Variants in ZNF438 observed in about 807,000 individuals in gnomAD.
ZNF438 encodes zinc finger protein 438.
ZNF438 carries 25 observed loss-of-function variants against 38.0 expected under a neutral mutation model. The observed-to-expected ratio is 0.66, with a 90% CI of 0.48 to 0.92. The LOEUF is 0.92. ZNF438 is among the 40% of genes least tolerant of loss of function. The pLI, the probability that ZNF438 is intolerant of heterozygous loss-of-function variation, is 0.00. For synonymous variants in ZNF438, 372 were observed against 364.1 expected (o/e 1.02, Z -0.25); for missense variants, 1,007 against 999.6 (o/e 1.01, Z -0.10).
At chr10:30,920,634 T>C (rs899516038) in intron 2 of ZNF438, 1 of 152,158 alleles carries the variant, frequency 6.6e-6, no homozygotes, top group Non-Finnish European at 1.5e-5. Flanking sequence ...GCAATCGAAC[T>C]AAAGAACCCA....
intron 1 of ZNF438, among the ~76,000 whole-genome samples, chr10:30,983,394 G>T (rs1415678843): frequency 6.6e-6 from 1 of 152,204 alleles, no homozygotes; most frequent in Non-Finnish European, 1.5e-5. Context: ...CAAAGGGGAA[G>T]CAGGTACATC....
chr10:30,848,938 A>C (rs1227816550), exon 5 of ZNF438: 6 of 1,614,116 alleles, frequency 3.7e-6, no homozygotes, highest in Non-Finnish European at 5.1e-6. Context: ...AGCTGGGCTT[A>C]GGGGAAGAGC....
At chr10:30,854,524 A>T (rs1056707105) in intron 4 of ZNF438, among the ~76,000 whole-genome samples, 2 of 152,194 alleles carry the variant, frequency 1.3e-5, no homozygotes, top group Non-Finnish European at 2.9e-5. Context: ...GAAATTTTGT[A>T]AACAGTGGGG....
intron 1 of ZNF438, 21 bp downstream of exon 2, chr10:30,984,348 C>T (rs1159051641): frequency 2.6e-5 from 4 of 152,088 alleles, no homozygotes; most frequent in Non-Finnish European, 5.9e-5. Flanking sequence ...AATCTCTCTT[C>T]AAAAAATGCT....
intron 1 of ZNF438, among the ~76,000 whole-genome samples, chr10:30,983,198 C>T (rs1239968637): frequency 1.3e-5 from 2 of 152,210 alleles, no homozygotes; most frequent in African/African-American, 4.8e-5. Context: ...AAGCCTGTAA[C>T]CAAGTACGAG....
At chr10:30,949,124 C>A (rs1393637270) in intron 1 of ZNF438, among the ~76,000 whole-genome samples, 5 of 152,138 alleles carry the variant, frequency 3.3e-5, no homozygotes, top group South Asian at 2.1e-4. Context: ...CAATTTTCAA[C>A]CCAGAATTTC....
At chr10:30,863,165 T>TA (rs1211610900) in intron 4 of ZNF438, among the ~76,000 whole-genome samples, 1 of 152,250 alleles carries the variant, frequency 6.6e-6, no homozygotes, top group Non-Finnish European at 1.5e-5. Context: ...ATTCCCCTGT[T>TA]ATGCTGATAA....
intron 4 of ZNF438, among the ~76,000 whole-genome samples, chr10:30,873,508 T>C (rs2037830341): frequency 6.6e-6 from 1 of 152,230 alleles, no homozygotes; most frequent in Non-Finnish European, 1.5e-5. Flanking sequence ...TGTACATATA[T>C]GTTAATATCC....
intron 2 of ZNF438, chr10:30,920,365 C>G (rs2044155053): frequency 6.6e-6 from 1 of 152,192 alleles, no homozygotes; most frequent in South Asian, 2.1e-4. Flanking sequence ...ATCAGATACA[C>G]TAACGTACAT....
At chr10:30,890,793 C>G (rs1408743185) in intron 3 of ZNF438, among the ~76,000 whole-genome samples, 3 of 152,216 alleles carry the variant, frequency 2.0e-5, no homozygotes, top group African/African-American at 7.2e-5. Flanking sequence ...ATTCTTCCAG[C>G]ATTTAGACCT....
At chr10:30,898,308 T>C (rs1336221699) in intron 3 of ZNF438, among the ~76,000 whole-genome samples, 3 of 151,856 alleles carry the variant, frequency 2.0e-5, no homozygotes, top group Non-Finnish European at 4.4e-5. Context: ...GGGAGAGAGG[T>C]GGTTCTCAAT....
chr10:30,982,762 T>C (rs2052353320), intron 1 of ZNF438, among the ~76,000 whole-genome samples: 1 of 152,204 alleles, frequency 6.6e-6, no homozygotes, highest in Admixed American at 6.5e-5. Context: ...TTCAGCAAAC[T>C]ACAAAGTTTC....
chr10:30,930,887 C>T (rs1179059724), intron 2 of ZNF438, among the ~76,000 whole-genome samples: 1 of 141,078 alleles, frequency 7.1e-6, no homozygotes, highest in Non-Finnish European at 1.5e-5. Flanking sequence ...ATTTCACATA[C>T]CATTTTTAAT....
chr10:30,965,649 C>T (rs183817657), intron 1 of ZNF438, among the ~76,000 whole-genome samples: 12,063 of 152,160 alleles, frequency 0.079, 567 homozygotes, highest in Non-Finnish European at 0.11. Context: ...AGTGAATTAA[C>T]TTAGGAACAG....
intron 3 of ZNF438, among the ~76,000 whole-genome samples, chr10:30,905,779 A>T (rs895566131): frequency 1.3e-5 from 2 of 152,108 alleles, no homozygotes; most frequent in African/African-American, 2.4e-5. Context: ...ATTAATTTTT[A>T]TATATTGTGT....
chr10:30,938,442 AT>A (rs368558246), intron 2 of ZNF438, among the ~76,000 whole-genome samples: 4 of 152,110 alleles, frequency 2.6e-5, no homozygotes, highest in African/African-American at 9.6e-5. Flanking sequence ...TGCCTGGCTA[AT>A]TTGTGTATTT....
intron 1 of ZNF438, among the ~76,000 whole-genome samples, chr10:31,014,858 GTGTATATATA>G (rs2056051598): frequency 3.1e-5 from 2 of 63,810 alleles, no homozygotes; most frequent in African/African-American, 1.5e-4. Flanking sequence ...GTGTGTGTGT[GTGTATATATA>G]TATATATATA....
intron 2 of ZNF438, among the ~76,000 whole-genome samples, chr10:30,909,634 A>G (rs1477270679): frequency 6.6e-6 from 1 of 152,204 alleles, no homozygotes; most frequent in African/African-American, 2.4e-5. Context: ...AAAGCATTTT[A>G]CTTTTTAATA....
intron 2 of ZNF438, among the ~76,000 whole-genome samples, chr10:30,912,532 TG>T (rs2043187688): frequency 6.6e-6 from 1 of 152,124 alleles, no homozygotes; most frequent in Non-Finnish European, 1.5e-5. Flanking sequence ...TTTTTTGTTC[TG>T]TACTTTTAAT....
Sources: allele counts gnomAD v4.1 joint callset (sites outside exome capture counted in the v4.1 genomes callset), GRCh38; gene constraint gnomAD v4.1.1; transcripts MANE v1.5; gene names NCBI Gene and HGNC (gene_info 2026-07-23, HGNC 2026-07-21).